Variants in TMEM268 observed in about 807,000 individuals in gnomAD.
TMEM268 encodes transmembrane protein 268.
TMEM268 carries 24 observed loss-of-function variants against 39.1 expected under a neutral mutation model. That is an observed-to-expected ratio of 0.61 (90% confidence interval 0.44 to 0.86). The LOEUF is 0.86. TMEM268 is among the 40% of genes least tolerant of loss of function. The pLI is 0.00. For missense variants in TMEM268, 409 were observed against 428.6 expected, an observed-to-expected ratio of 0.95 and a Z score of 0.40; for synonymous variants, 176 against 173.5, an observed-to-expected ratio of 1.01 and a Z score of -0.12.
rs79662912 is a variant in TMEM268 at position 114,614,116 on chromosome 9, G to A, written c.-79+2552G>A. ...AGATGAGAACAGCAAGGTTCGGGTTGTTAAGTACCTTGACAGCTAATGTCA... is the reference window on the plus strand; with the variant it reads ...AGATGAGAACAGCAAGGTTCGGGTTATTAAGTACCTTGACAGCTAATGTCA... On this transcript the variant is annotated intron_variant, in intron 1 of 8. Transcript: ENST00000288502. Among the ~76,000 whole-genome samples, 440 of 152,334 alleles carry A rather than the reference G, an allele frequency of 2.9e-3. 3 individuals carry two copies. The highest frequency in any genetic ancestry group is 9.8e-3 in the African/African-American group (408 of 41,580).
Position 114,617,283 on chromosome 9 carries a change from C to G in TMEM268, c.88C>G (p.Pro30Ala), listed in dbSNP as rs1845762898. Residue 30 changes from proline to alanine, a missense_variant, in exon 2 of 9, where the codon CCT (proline) becomes GCT (alanine). Transcript: ENST00000288502. ...PGWSALPGGS[P>A]PGWGQELHNG... ...CTGGAGTGCCCTGCCTGGAGGGAGC[C>G]CTCCTGGCTGGGGGCAAGGTAAGAT... 2 of 1,613,386 alleles carry G rather than the reference C, an allele frequency of 1.2e-6. No homozygotes were observed. Among genetic ancestry groups the G allele is most frequent in the Non-Finnish European group, 1.7e-6 (2 of 1,179,466 alleles).
At chr9:114,624,149 C>T in intron 2 of TMEM268, 3 of 1,183,044 alleles carry the variant, frequency 2.5e-6, no homozygotes, top group Middle Eastern at 6.4e-4. Flanking sequence ...CCTCCTCCCT[C>T]TGGCCTTAAT....
intron 1 of TMEM268, among the ~76,000 whole-genome samples, chr9:114,613,567 C>A (rs531619141): frequency 6.6e-6 from 1 of 152,200 alleles, no homozygotes; most frequent in South Asian, 2.1e-4. Context: ...TTTGTTGGTA[C>A]AGGAAGAAAG....
At chr9:114,640,267 A>G (rs1846843786) in intron 8 of TMEM268, among the ~76,000 whole-genome samples, 1 of 152,122 alleles carries the variant, frequency 6.6e-6, no homozygotes, top group African/African-American at 2.4e-5. Context: ...ATTTCCTATC[A>G]TGAGTATCAA....
chr9:114,630,147 T>C (rs1439311383), intron 5 of TMEM268, among the ~76,000 whole-genome samples: 1 of 152,206 alleles, frequency 6.6e-6, no homozygotes, highest in African/African-American at 2.4e-5. Context: ...CTCCTTTTAT[T>C]CAGCTGGTAT....
At chr9:114,624,527 C>T in intron 3 of TMEM268, 68 bp downstream of exon 3, 4 of 1,529,494 alleles carry the variant, frequency 2.6e-6, no homozygotes, top group Non-Finnish European at 3.5e-6. Flanking sequence ...ATCTTTTCAT[C>T]CAGTTTTTCA....
At chr9:114,640,348 C>G (rs1371339950) in intron 8 of TMEM268, among the ~76,000 whole-genome samples, 1 of 152,158 alleles carries the variant, frequency 6.6e-6, no homozygotes, top group Non-Finnish European at 1.5e-5. Flanking sequence ...ATGCCCAAGT[C>G]TCAACCTGGG....
Position 114,644,726 on chromosome 9 carries a change from GT to G in TMEM268, c.*1414del, listed in dbSNP as rs1827503588. ...GACCTGATCTGCCACTTCAAGCTGT[GT>G]AATTTTTGGCAAGTTGCTTTCTTTG... On this transcript the variant is annotated 3_prime_UTR_variant, in exon 9 of 9. Transcript: ENST00000288502. 1 of 152,094 alleles carries G rather than the reference GT, an allele frequency of 6.6e-6. No individual in the cohort carries two copies. Among genetic ancestry groups the G allele is most frequent in the Non-Finnish European group, 1.5e-5 (1 of 68,024 alleles). 9.4% of individuals were successfully genotyped at this position (152,094 alleles called of 1,614,324 possible).
chr9:114,630,115 C>G (rs1373903622), intron 5 of TMEM268, among the ~76,000 whole-genome samples: 1 of 152,188 alleles, frequency 6.6e-6, no homozygotes, highest in Non-Finnish European at 1.5e-5. Context: ...TGCTTTGGCT[C>G]TCTGCCTCTG....
chr9:114,613,917 TG>T (rs1488766806), intron 1 of TMEM268, among the ~76,000 whole-genome samples: 1 of 152,168 alleles, frequency 6.6e-6, no homozygotes, highest in African/African-American at 2.4e-5. Flanking sequence ...CTCCCAACCT[TG>T]GGCAAGTCAC....
At chr9:114,621,803 GT>G (rs1845956155) in intron 2 of TMEM268, among the ~76,000 whole-genome samples, 2 of 152,174 alleles carry the variant, frequency 1.3e-5, no homozygotes, top group Non-Finnish European at 2.9e-5. Context: ...GGCGGGTGTG[GT>G]GAGACATAGA....
In TMEM268 at chr9:114,611,555, GGCGCGGGCGGTGAGTGT is replaced by G. The variant is rs1252502344; in HGVS notation, c.-79_-79+16del. 6.0e-6 allele frequency: 1 copy of G among 167,832 alleles called. No individual in the cohort carries two copies. Among genetic ancestry groups the G allele is most frequent in the Non-Finnish European group, 1.2e-5 (1 of 82,808 alleles). The allele number at this position is 167,832 out of a possible 1,614,324, so 10.4% of individuals were successfully genotyped here. ...GGGTGGCGGCGGCGGCGGCGGCGGC[GGCGCGGGCGGTGAGTGT>G]GCGCGGGCCCGGGCGCGCGCCCGTG... On this transcript the variant is annotated splice_donor_variant and splice_donor_5th_base_variant and 5_prime_UTR_variant and intron_variant, in exon 1 of 9. Coordinates refer to ENST00000288502, the MANE Select transcript of TMEM268 (RefSeq NM_153045.4). LOFTEE classifies it low-confidence loss of function (5UTR_SPLICE).
upstream of TMEM268, among the ~76,000 whole-genome samples, chr9:114,609,977 AGAAG>A (rs1422395727): frequency 6.6e-6 from 1 of 152,216 alleles, no homozygotes; most frequent in Non-Finnish European, 1.5e-5. Context: ...CCACTAAGAA[AGAAG>A]GGTTAAGAAA....
At chr9:114,631,429 C>T (rs1846394396) in intron 5 of TMEM268, among the ~76,000 whole-genome samples, 1 of 152,142 alleles carries the variant, frequency 6.6e-6, no homozygotes, top group African/African-American at 2.4e-5. Flanking sequence ...TTTAAGTTCA[C>T]TGTCATCCTC....
chr9:114,616,179 C>A (rs1226029871), intron 1 of TMEM268, among the ~76,000 whole-genome samples: 1 of 151,536 alleles, frequency 6.6e-6, no homozygotes, highest in Non-Finnish European at 1.5e-5. Flanking sequence ...CCACGCCTGG[C>A]TAATTTTTTG....
At chr9:114,638,490 G>A (rs755371404) in intron 7 of TMEM268, 54 bp from the exon 8 acceptor site, 29 of 1,391,006 alleles carry the variant, frequency 2.1e-5, no homozygotes, top group African/African-American at 2.1e-4. Context: ...ACTCAGCCTC[G>A]CAGATACCAC....
intron 1 of TMEM268, among the ~76,000 whole-genome samples, chr9:114,616,492 A>G (rs1377004066): frequency 2.6e-5 from 4 of 151,914 alleles, no homozygotes; most frequent in Non-Finnish European, 5.9e-5. Context: ...CAGCCTCCTG[A>G]GTAGCTGGGA....
intron 6 of TMEM268, among the ~76,000 whole-genome samples, chr9:114,635,040 G>A (rs559718671): frequency 1.3e-5 from 2 of 152,146 alleles, no homozygotes; most frequent in African/African-American, 4.8e-5. Context: ...TGCACGGATG[G>A]ATAGATGACT....
chr9:114,623,844 A>C (rs896876727), intron 2 of TMEM268, among the ~76,000 whole-genome samples: 1 of 152,016 alleles, frequency 6.6e-6, no homozygotes, highest in African/African-American at 2.4e-5. Context: ...GGCTCTGGGG[A>C]TTAGGGTGTG....
Sources: allele counts gnomAD v4.1 joint callset (sites outside exome capture counted in the v4.1 genomes callset), GRCh38; gene constraint gnomAD v4.1.1; transcripts MANE v1.5; gene names NCBI Gene and HGNC (gene_info 2026-07-23, HGNC 2026-07-21).